The following HNF4G variants were observed in gnomAD, a reference collection of about 807,000 sequenced individuals.
HNF4G encodes hepatocyte nuclear factor 4-gamma.
Under a neutral mutation model 50.9 loss-of-function variants are expected in HNF4G, and 21 were observed. The observed-to-expected ratio is 0.41, with a 90% CI of 0.29 to 0.59. HNF4G has a LOEUF of 0.59. Among genes scored for constraint, HNF4G ranks in the 20% least tolerant of loss-of-function variants. The pLI is 0.26. For missense variants in HNF4G, 527 were observed against 559.4 expected, an observed-to-expected ratio of 0.94 and a Z score of 0.58; for synonymous variants, 198 against 185.6, an observed-to-expected ratio of 1.07 and a Z score of -0.54.
intron 2 of HNF4G, 44 bp from the exon 3 acceptor site, chr8:75,547,542 TG>T: frequency 7.6e-7 from 1 of 1,321,032 alleles, no homozygotes; most frequent in Non-Finnish European, 1.1e-6. Context: ...TTGCTTCTTT[TG>T]TAAATTATAG....
intron 1 of HNF4G, among the ~76,000 whole-genome samples, chr8:75,440,434 A>G (rs1241028272): frequency 6.6e-6 from 1 of 152,210 alleles, no homozygotes; most frequent in African/African-American, 2.4e-5. Context: ...TTTAGCTTTA[A>G]CAACACCAAC....
chr8:75,545,532 G>C (rs1242094223), intron 2 of HNF4G, among the ~76,000 whole-genome samples: 1 of 152,028 alleles, frequency 6.6e-6, no homozygotes, highest in Non-Finnish European at 1.5e-5. Flanking sequence ...TTGGAAAATG[G>C]TTAGTATATT....
At chr8:75,520,414 T>A (rs914548867) in intron 2 of HNF4G, among the ~76,000 whole-genome samples, 2 of 151,970 alleles carry the variant, frequency 1.3e-5, no homozygotes, top group African/African-American at 4.8e-5. Context: ...ACTTTCTTTC[T>A]CGTTCTTTCT....
chr8:75,556,150 AC>A (rs1807117560), intron 6 of HNF4G, 81 bp downstream of exon 6: 2 of 627,188 alleles, frequency 3.2e-6, no homozygotes. Context: ...TTCTGTATGT[AC>A]CAAGTATTTA....
At chr8:75,516,653 T>C (rs1044901899) in intron 2 of HNF4G, among the ~76,000 whole-genome samples, 2 of 152,304 alleles carry the variant, frequency 1.3e-5, no homozygotes, top group Middle Eastern at 3.4e-3. Context: ...TACTGAGAGA[T>C]GAGTGCTGAA....
intron 1 of HNF4G, among the ~76,000 whole-genome samples, chr8:75,540,851 ATGTGTGTGTGTG>A (rs56799230): frequency 1.4e-5 from 2 of 146,374 alleles, no homozygotes; most frequent in Admixed American, 6.9e-5. Flanking sequence ...GAAAATGTGT[ATGTGTGTGTGTG>A]TGTGTGTGTG....
At chr8:75,507,589 T>C (rs373407684) in intron 2 of HNF4G, among the ~76,000 whole-genome samples, 79 of 152,364 alleles carry the variant, frequency 5.2e-4, no homozygotes, top group Admixed American at 1.3e-3. Context: ...ACATAAATTT[T>C]AAAGTTTACT....
chr8:75,481,470 G>A (rs1812377104), intron 1 of HNF4G, among the ~76,000 whole-genome samples: 1 of 150,046 alleles, frequency 6.7e-6, no homozygotes, highest in Non-Finnish European at 1.5e-5. Context: ...TCGTTCCCTG[G>A]AATTTTGAAA....
chr8:75,464,705 T>C (rs1423837209), intron 1 of HNF4G, among the ~76,000 whole-genome samples: 1 of 152,206 alleles, frequency 6.6e-6, no homozygotes, highest in Non-Finnish European at 1.5e-5. Context: ...ATGTGAGATA[T>C]TAGAGATTGG....
intron 2 of HNF4G, among the ~76,000 whole-genome samples, chr8:75,531,695 A>T (rs2130767306): frequency 6.6e-6 from 1 of 152,234 alleles, no homozygotes; most frequent in South Asian, 2.1e-4. Flanking sequence ...AAAATAATAC[A>T]AATAAATAAT....
intron 2 of HNF4G, among the ~76,000 whole-genome samples, chr8:75,522,955 G>A (rs1010088622): frequency 2.0e-5 from 3 of 152,042 alleles, no homozygotes; most frequent in Admixed American, 6.6e-5. Flanking sequence ...GGCCAGACGC[G>A]GTGGTTCATG....
intron 1 of HNF4G, among the ~76,000 whole-genome samples, chr8:75,469,093 G>T (rs920565725): frequency 6.6e-6 from 1 of 152,168 alleles, no homozygotes; most frequent in African/African-American, 2.4e-5. Flanking sequence ...TAAATGGCAG[G>T]CTTCTGATTT....
chr8:75,449,265 G>T (rs968084039), intron 1 of HNF4G, among the ~76,000 whole-genome samples: 4 of 151,944 alleles, frequency 2.6e-5, no homozygotes, highest in Admixed American at 2.0e-4. Flanking sequence ...AGAATCTGGG[G>T]TCTCATATGG....
intron 2 of HNF4G, among the ~76,000 whole-genome samples, chr8:75,512,861 C>CCTGTTGCAT (rs1351797561): frequency 6.6e-6 from 1 of 152,028 alleles, no homozygotes; most frequent in Non-Finnish European, 1.5e-5. Context: ...TCGATTTTGT[C>CCTGTTGCAT]CTGTTGCATT....
At chr8:75,554,904 A>G (rs992954596) in intron 5 of HNF4G, among the ~76,000 whole-genome samples, 1 of 152,192 alleles carries the variant, frequency 6.6e-6, no homozygotes, top group African/African-American at 2.4e-5. Flanking sequence ...ACAAGGGGCC[A>G]AGCCCAGGAG....
chr8:75,531,766 A>G (rs557773991), intron 2 of HNF4G, among the ~76,000 whole-genome samples: 2 of 152,212 alleles, frequency 1.3e-5, no homozygotes, highest in East Asian at 3.9e-4. Context: ...TGAAGTATAC[A>G]AAAGGATGTG....
In HNF4G at chr8:75,539,931, G is replaced by C. The variant is rs1300172007; in HGVS notation, c.-32G>C. 2 of 987,160 alleles carry C rather than the reference G, an allele frequency of 2.0e-6. No individual in the cohort carries two copies. Among genetic ancestry groups the C allele is most frequent in the African/African-American group, 3.2e-5 (2 of 62,442 alleles). 61.2% of individuals were successfully genotyped at this position (987,160 alleles called of 1,614,324 possible). A position where few individuals can be genotyped will look rare whatever the true frequency, so the allele number is the denominator to read the frequency against. On this transcript the variant is annotated 5_prime_UTR_variant, in exon 1 of 10. Transcript: ENST00000396423. ...AACACTCATCACGCACTCTGGGCTT[G>C]TGGTGCCACTTGTATGTGTGTTTCT... is the stretch of plus-strand genomic sequence containing the variant.
chr8:75,434,636 C>A (rs1180638755), intron 1 of HNF4G, among the ~76,000 whole-genome samples: 1 of 151,312 alleles, frequency 6.6e-6, no homozygotes, highest in Non-Finnish European at 1.5e-5. Context: ...AATTTGGAAA[C>A]GCTTAACAAA....
intron 1 of HNF4G, among the ~76,000 whole-genome samples, chr8:75,470,816 G>T (rs1812096251): frequency 6.6e-6 from 1 of 152,168 alleles, no homozygotes; most frequent in African/African-American, 2.4e-5. Flanking sequence ...ATAAGAAATA[G>T]AGTCACATGA....
Sources: gnomAD v4.1 joint callset for allele counts (sites outside exome capture counted in the v4.1 genomes callset) on GRCh38, gnomAD v4.1.1 for gene constraint, MANE v1.5 for transcripts, NCBI Gene and HGNC (gene_info 2026-07-23, HGNC 2026-07-21) for gene names.